Variants in CSMD3 observed in about 807,000 individuals in gnomAD.
The protein encoded by CSMD3 is CUB and sushi domain-containing protein 3.
A neutral mutation model predicts 435.2 loss-of-function variants in CSMD3; 177 were observed. The observed-to-expected ratio is 0.41, with a 90% CI of 0.36 to 0.46. The LOEUF (loss-of-function observed/expected upper bound fraction) is 0.46. CSMD3 is among the 20% of genes least tolerant of loss of function. The probability of loss-of-function intolerance (pLI) is 0.34; values close to 1 mark genes in which losing one functional copy is unlikely to be tolerated. For missense variants in CSMD3, 4,265 were observed against 4,504.6 expected (o/e 0.95, Z 1.52); for synonymous variants, 1,656 against 1,520.5 (o/e 1.09, Z -2.07).
chr8:112,397,639 A>G (rs1322279514), intron 35 of CSMD3, among the ~76,000 whole-genome samples: 2 of 152,174 alleles, frequency 1.3e-5, no homozygotes, highest in African/African-American at 2.4e-5. Flanking sequence ...GTGTCCTCAC[A>G]TGGTAAAACT....
intron 38 of CSMD3, among the ~76,000 whole-genome samples, chr8:112,375,613 A>G (rs1380435974): frequency 1.3e-5 from 2 of 152,148 alleles, no homozygotes; most frequent in African/African-American, 2.4e-5. Context: ...TAACTAAAAG[A>G]ACAGTTTAAA....
chr8:112,452,149 G>GT (rs950844627), intron 32 of CSMD3, among the ~76,000 whole-genome samples: 10 of 152,106 alleles, frequency 6.6e-5, no homozygotes, highest in Non-Finnish European at 1.5e-4. Context: ...ATGTTATATA[G>GT]TTTAAATCTT....
At chr8:112,879,588 G>A (rs927787550) in intron 10 of CSMD3, among the ~76,000 whole-genome samples, 1 of 151,984 alleles carries the variant, frequency 6.6e-6, no homozygotes, top group Non-Finnish European at 1.5e-5. Context: ...ATAAAAACTT[G>A]CTGGTTTTGT....
chr8:112,389,625 T>C (rs943951998), intron 36 of CSMD3, among the ~76,000 whole-genome samples: 6 of 152,186 alleles, frequency 3.9e-5, no homozygotes, highest in Non-Finnish European at 5.9e-5. Context: ...AAGCTGATTT[T>C]TTTTACTAAA....
chr8:112,933,421 A>T (rs975074195), intron 9 of CSMD3, among the ~76,000 whole-genome samples: 3 of 152,156 alleles, frequency 2.0e-5, no homozygotes, highest in Non-Finnish European at 4.4e-5. Flanking sequence ...ATTACAATAT[A>T]CCTTACCATG....
chr8:112,388,687 G>A (rs1179257100), intron 36 of CSMD3, among the ~76,000 whole-genome samples: 3 of 152,158 alleles, frequency 2.0e-5, no homozygotes, highest in African/African-American at 7.2e-5. Flanking sequence ...TGCAGCTTAG[G>A]TGAGAGGTCT....
intron 24 of CSMD3, 80 bp from the exon 25 acceptor site, chr8:112,557,034 C>A: frequency 1.1e-6 from 1 of 896,416 alleles, no homozygotes; most frequent in Non-Finnish European, 1.8e-6. Context: ...CTTTCCTTTA[C>A]TATTTTTGAT....
rs751919327 is a variant in CSMD3, at chr8:112,301,901, C to CA, written c.8331dup (p.Gly2778TrpfsTer30). On this transcript the variant is annotated frameshift_variant, in exon 53 of 71. Transcript: ENST00000297405. LOFTEE classifies it high-confidence loss of function. The stretch of plus-strand genomic sequence containing the variant: ...TCGCAGGTAAAGATAGCTGTTGAGC[C>CA]ATATGAAGTTTGAGTTCCAATCTTA... 6.2e-7 allele frequency: 1 copy of CA among 1,612,980 alleles called. No homozygotes were observed. Among genetic ancestry groups the CA allele is most frequent in the Non-Finnish European group, 8.5e-7 (1 of 1,179,220 alleles).
intron 38 of CSMD3, among the ~76,000 whole-genome samples, chr8:112,353,139 C>T (rs1454325941): frequency 6.6e-6 from 1 of 151,902 alleles, no homozygotes; most frequent in Non-Finnish European, 1.5e-5. Flanking sequence ...GCCTGTAATC[C>T]CAGCACTTTG....
intron 64 of CSMD3, among the ~76,000 whole-genome samples, chr8:112,246,252 T>A (rs138895501): frequency 6.6e-6 from 1 of 152,310 alleles, no homozygotes; most frequent in Non-Finnish European, 1.5e-5. Context: ...TGAACAGGGA[T>A]AGAGTAAATT....
At chr8:112,409,525 C>T (rs115288980) in intron 32 of CSMD3, among the ~76,000 whole-genome samples, 2,301 of 151,846 alleles carry the variant, frequency 0.015, 57 homozygotes, top group African/African-American at 0.053. Flanking sequence ...AAAAGATTAG[C>T]GAGATTCTTT....
intron 9 of CSMD3, among the ~76,000 whole-genome samples, chr8:112,933,058 G>T (rs1400223425): frequency 6.6e-6 from 1 of 152,096 alleles, no homozygotes; most frequent in African/African-American, 2.4e-5. Flanking sequence ...GGCAAATTTA[G>T]TATCAGTTTT....
At chr8:112,643,789 T>A (rs1435468269) in intron 20 of CSMD3, among the ~76,000 whole-genome samples, 1 of 142,926 alleles carries the variant, frequency 7.0e-6, no homozygotes, top group East Asian at 2.2e-4. Flanking sequence ...TTAACAACGC[T>A]TTTTCTCAGT....
intron 22 of CSMD3, among the ~76,000 whole-genome samples, chr8:112,603,170 A>C (rs1832516288): frequency 6.6e-6 from 1 of 152,220 alleles, no homozygotes; most frequent in Admixed American, 6.5e-5. Context: ...AAGCCACTGC[A>C]TCTGGCCCAA....
intron 3 of CSMD3, among the ~76,000 whole-genome samples, chr8:113,216,324 A>G (rs933629172): frequency 1.3e-4 from 20 of 152,014 alleles, no homozygotes; most frequent in African/African-American, 4.3e-4. Context: ...GACAAAAAAG[A>G]TAAATCCTTA....
In CSMD3 at chr8:113,278,665, G is replaced by C. The variant is rs572826722; in HGVS notation, c.441C>G (p.Thr147=). 1 of 1,600,552 alleles carries C rather than the reference G, an allele frequency of 6.2e-7. No individual in the cohort carries two copies. The highest frequency in any genetic ancestry group is 1.1e-5 in the South Asian group (1 of 90,780). ...GFHLPPPVTS[T]KSVFSLRLTS... ...TCAAACGTAGTGAGAACACAGATTT[G>C]GTACTTGTCACTGGAGGTGGCAGAT... Residue 147 remains threonine, a synonymous_variant, in exon 3 of 71, where the codon ACC becomes ACG. Coordinates refer to ENST00000297405, the MANE Select transcript of CSMD3 (RefSeq NM_198123.2).
At chr8:112,980,966 T>C (rs1413148586) in intron 6 of CSMD3, among the ~76,000 whole-genome samples, 2 of 151,428 alleles carry the variant, frequency 1.3e-5, no homozygotes, top group Non-Finnish European at 3.0e-5. Flanking sequence ...ATAGAAATGT[T>C]TTACCTTTGA....
At chr8:113,244,852 C>T (rs2093259408) in intron 3 of CSMD3, among the ~76,000 whole-genome samples, 1 of 151,872 alleles carries the variant, frequency 6.6e-6, no homozygotes, top group African/African-American at 2.4e-5. Context: ...TTTTCTCATT[C>T]ATATTTTGCC....
intron 5 of CSMD3, among the ~76,000 whole-genome samples, chr8:113,034,811 C>A (rs1463207265): frequency 6.6e-6 from 1 of 151,882 alleles, no homozygotes; most frequent in Non-Finnish European, 1.5e-5. Context: ...ACAAAACAGA[C>A]CACTCAATGA....
Sources: gnomAD v4.1 joint callset for allele counts (sites outside exome capture counted in the v4.1 genomes callset) on GRCh38, gnomAD v4.1.1 for gene constraint, MANE v1.5 for transcripts, NCBI Gene and HGNC (gene_info 2026-07-23, HGNC 2026-07-21) for gene names.